The following EIF3H variants were observed in gnomAD, a reference collection of about 807,000 sequenced individuals.
EIF3H encodes the protein eukaryotic translation initiation factor 3 subunit H.
EIF3H carries 26 observed loss-of-function variants against 44.2 expected under a neutral mutation model. That is an observed-to-expected ratio of 0.59 (90% CI 0.43 to 0.82). The LOEUF is 0.82. EIF3H is among the 40% of genes least tolerant of loss of function. The probability of loss-of-function intolerance (pLI) is 0.00; values close to 1 mark genes in which losing one functional copy is unlikely to be tolerated. For missense variants in EIF3H, 359 were observed against 432.8 expected (o/e 0.83, Z 1.51); for synonymous variants, 166 against 151.9 (o/e 1.09, Z -0.68).
At chr8:116,708,678 C>T (rs1277961104) in intron 2 of EIF3H, among the ~76,000 whole-genome samples, 3 of 152,034 alleles carry the variant, frequency 2.0e-5, no homozygotes, top group Admixed American at 2.0e-4. Flanking sequence ...ATCAAAACCA[C>T]TTAATACCAG....
At chr8:116,748,402 A>T (rs1398049303) in intron 1 of EIF3H, among the ~76,000 whole-genome samples, 1 of 152,222 alleles carries the variant, frequency 6.6e-6, no homozygotes, top group Non-Finnish European at 1.5e-5. Flanking sequence ...GTGATTTTTC[A>T]AACAGATAAG....
chr8:116,733,091 G>GT (rs1012105713), intron 1 of EIF3H, among the ~76,000 whole-genome samples: 14 of 152,254 alleles, frequency 9.2e-5, no homozygotes, highest in Non-Finnish European at 1.5e-4. Context: ...CTCAGATTCA[G>GT]TAATTTGCTA....
chr8:116,758,357 G>A (rs1367820844), upstream of EIF3H, among the ~76,000 whole-genome samples: 3 of 152,120 alleles, frequency 2.0e-5, no homozygotes. Flanking sequence ...GAACCTATGT[G>A]AAGAAAAATC....
At chr8:116,659,048 G>C in intron 2 of EIF3H, 68 bp from the exon 3 acceptor site, 1 of 1,393,418 alleles carries the variant, frequency 7.2e-7, no homozygotes. Context: ...TCAAAAACAA[G>C]CCGTTTTGGA....
Position 116,730,935 on chromosome 8 carries a change from T to A in EIF3H, c.133-4763A>T, listed in dbSNP as rs371215400. Among the ~76,000 whole-genome samples, 199 of 152,324 alleles carry A rather than the reference T, an allele frequency of 1.3e-3. 4 individuals carry two copies. In the South Asian group the frequency reaches 0.04, roughly 30 times the overall value. ...CCCATTTTACATAAGGAAACAAAGA[T>A]AAGCTGACAGGGAATTTAGCCAGGG... On this transcript the variant is annotated intron_variant, in intron 1 of 7. Transcript: ENST00000521861.
In EIF3H at chr8:116,690,530, A is replaced by G. The variant is rs569247278; in HGVS notation, c.290-31550T>C. 7.9e-5 allele frequency among the ~76,000 whole-genome samples: 12 copies of G among 152,260 alleles called. No individual in the cohort carries two copies. The South Asian group carries it at 1.7e-3, about 21-fold the overall frequency. ...GGCAACACAGTGAGACCTCATCTCTAAATAAACAAAACAAAACAATTTGAA... is the reference window on the plus strand; with the variant it reads ...GGCAACACAGTGAGACCTCATCTCTGAATAAACAAAACAAAACAATTTGAA... On this transcript the variant is annotated intron_variant, in intron 2 of 7. Transcript: ENST00000521861.
chr8:116,667,093 A>C (rs1317691570), intron 2 of EIF3H, among the ~76,000 whole-genome samples: 1 of 152,182 alleles, frequency 6.6e-6, no homozygotes, highest in Non-Finnish European at 1.5e-5. Context: ...AGAAACTAGA[A>C]ACTGAAGGAG....
chr8:116,758,192 A>G (rs1815480316), upstream of EIF3H, among the ~76,000 whole-genome samples: 1 of 152,218 alleles, frequency 6.6e-6, no homozygotes, highest in Non-Finnish European at 1.5e-5. Context: ...ACCACTAATC[A>G]AAAGAAAGCA....
At chr8:116,694,800 G>A (rs945930345) in intron 2 of EIF3H, among the ~76,000 whole-genome samples, 2 of 152,094 alleles carry the variant, frequency 1.3e-5, no homozygotes, top group Admixed American at 6.5e-5. Context: ...ATTATCTTCA[G>A]GAGAGATGGA....
At chr8:116,645,149 T>C (rs746368468) in intron 7 of EIF3H, 46 bp from the exon 8 acceptor site, 1 of 1,451,250 alleles carries the variant, frequency 6.9e-7, no homozygotes, top group Non-Finnish European at 9.6e-7. Context: ...CCACAAATTG[T>C]AAAATGATCC....
rs967678372 is a variant in EIF3H, at chr8:116,642,282, T to C, written c.*2724A>G. 2.0e-5 allele frequency: 3 copies of C among 152,144 alleles called. No individual in the cohort carries two copies. The highest frequency in any genetic ancestry group is 2.9e-5 in the Non-Finnish European group (2 of 68,032). The allele number at this position is 152,144 out of a possible 1,614,324, so 9.4% of individuals were successfully genotyped here. A position where few individuals can be genotyped will look rare whatever the true frequency, so the allele number is the denominator to read the frequency against. ...TTTTCTAAAGGATGTTAAAAAACTA[T>C]AGTATGAAGAATGTAATAATATTTT... On this transcript the variant is annotated 3_prime_UTR_variant, in exon 8 of 8. Transcript: ENST00000521861.
chr8:116,727,918 C>T (rs1205898135), intron 1 of EIF3H, among the ~76,000 whole-genome samples: 1 of 152,116 alleles, frequency 6.6e-6, no homozygotes, highest in East Asian at 1.9e-4. Context: ...TGGTATTATA[C>T]TGTGAATTGG....
chr8:116,709,010 A>AT (rs139956344), intron 2 of EIF3H, among the ~76,000 whole-genome samples: 7,743 of 150,322 alleles, frequency 0.052, 659 homozygotes, highest in African/African-American at 0.18. Context: ...AAAAAAAAAA[A>AT]TTTTTTTTTG....
chr8:116,720,997 A>T (rs111569612), intron 2 of EIF3H, among the ~76,000 whole-genome samples: 7 of 152,212 alleles, frequency 4.6e-5, no homozygotes, highest in African/African-American at 1.7e-4. Flanking sequence ...CTGAGGAGAA[A>T]TTCAAGCAGA....
rs1813235441 is a variant in EIF3H at position 116,642,365 on chromosome 8, T to A, written c.*2641A>T. The A allele has an allele frequency of 6.6e-6, 1 of 152,174 alleles. No individual in the cohort carries two copies. The highest frequency in any genetic ancestry group is 1.5e-5 in the Non-Finnish European group (1 of 68,030). The allele number at this position is 152,174 out of a possible 1,614,324, so 9.4% of individuals were successfully genotyped here. ...GTATATGAGAAATCACACCAAGCTC[T>A]CTTAATTAGGTTAACATTAGACAAC... On this transcript the variant is annotated 3_prime_UTR_variant, in exon 8 of 8. Transcript: ENST00000521861.
chr8:116,658,748 G>T, intron 3 of EIF3H, 65 bp downstream of exon 3: 1 of 1,540,846 alleles, frequency 6.5e-7, no homozygotes, highest in South Asian at 1.3e-5. Context: ...GAGGCAAAAA[G>T]GACAGAAAGC....
chr8:116,680,428 G>A (rs868775922), intron 2 of EIF3H, among the ~76,000 whole-genome samples: 2,218 of 69,920 alleles, frequency 0.032, 80 homozygotes, highest in Admixed American at 0.12. Context: ...GATGGTTGCC[G>A]GGTCTGTGTG....
intron 2 of EIF3H, among the ~76,000 whole-genome samples, chr8:116,673,931 G>A (rs1813798713): frequency 1.3e-5 from 2 of 151,708 alleles, no homozygotes; most frequent in South Asian, 2.1e-4. Context: ...TTAGCTGGGC[G>A]TGGTGGTGGG....
chr8:116,751,129 G>A (rs1202968946), intron 1 of EIF3H, among the ~76,000 whole-genome samples: 3 of 151,568 alleles, frequency 2.0e-5, no homozygotes, highest in East Asian at 1.9e-4. Flanking sequence ...GGAGAATGGC[G>A]TGAACCCGGG....
Sources: gnomAD v4.1 joint callset for allele counts (sites outside exome capture counted in the v4.1 genomes callset) on GRCh38, gnomAD v4.1.1 for gene constraint, MANE v1.5 for transcripts, NCBI Gene and HGNC (gene_info 2026-07-23, HGNC 2026-07-21) for gene names.